The following PPARGC1A variants were observed in gnomAD, a reference collection of about 807,000 sequenced individuals.
PPARGC1A encodes the protein PPARG coactivator 1 alpha.
PPARGC1A carries 25 observed loss-of-function variants against 88.7 expected under a neutral mutation model. That is an observed-to-expected ratio of 0.28 (90% CI 0.21 to 0.39). The LOEUF is 0.39. Ranked by LOEUF, PPARGC1A falls within the 10% of genes least tolerant of loss-of-function variation. The pLI is 1.00. For synonymous variants in PPARGC1A, 363 were observed against 355.6 expected (o/e 1.02, Z -0.24); for missense variants, 880 against 968.7 (o/e 0.91, Z 1.22).
At chr4:24,301,681 C>T in the PPARGC1A span, among the ~76,000 whole-genome samples, 106,497 of 150,522 alleles carry the variant, frequency 0.71, 38,610 homozygotes, top group African/African-American at 0.88. Context: ...TGTACTGTTA[C>T]TTTTTAAGTT....
chr4:24,387,938 A>AAGAAAGAT, the PPARGC1A span, among the ~76,000 whole-genome samples: 36 of 115,026 alleles, frequency 3.1e-4, 1 homozygote, highest in African/African-American at 1.3e-3. Context: ...AAGAAAGAGA[A>AAGAAAGAT]AGAAAGAAAG....
the PPARGC1A span, among the ~76,000 whole-genome samples, chr4:24,358,960 C>T: frequency 6.6e-6 from 1 of 152,226 alleles, no homozygotes; most frequent in Non-Finnish European, 1.5e-5. Context: ...GAGGACAGCA[C>T]AGACCAGCAG....
At chr4:24,387,908 A>G in the PPARGC1A span, among the ~76,000 whole-genome samples, 1 of 9,992 alleles carries the variant, frequency 1.0e-4, no homozygotes, top group African/African-American at 1.1e-4. Flanking sequence ...AAGAAAGAGA[A>G]AGAAAGAAAG....
chr4:24,294,849 A>G, the PPARGC1A span, among the ~76,000 whole-genome samples: 2 of 152,240 alleles, frequency 1.3e-5, no homozygotes, highest in African/African-American at 4.8e-5. Flanking sequence ...TAACTCTGGG[A>G]TGTCACCTAG....
At chr4:24,316,259 C>T in the PPARGC1A span, among the ~76,000 whole-genome samples, 1 of 152,292 alleles carries the variant, frequency 6.6e-6, no homozygotes, top group East Asian at 1.9e-4. Flanking sequence ...TGGGCAGAGA[C>T]AGCTAGACCA....
chr4:24,458,738 G>C, the PPARGC1A span, among the ~76,000 whole-genome samples: 1 of 152,204 alleles, frequency 6.6e-6, no homozygotes, highest in South Asian at 2.1e-4. Flanking sequence ...AATACCCAAT[G>C]ATACAGGATG....
the PPARGC1A span, among the ~76,000 whole-genome samples, chr4:24,033,914 C>G: frequency 6.6e-6 from 1 of 152,104 alleles, no homozygotes; most frequent in South Asian, 2.1e-4. Flanking sequence ...AAGACAATTT[C>G]CCCTCAAAAA....
At chr4:23,977,630 C>G in the PPARGC1A span, among the ~76,000 whole-genome samples, 2 of 152,092 alleles carry the variant, frequency 1.3e-5, no homozygotes, top group African/African-American at 4.8e-5. Flanking sequence ...CCACGGCACA[C>G]GTTTACCTAT....
the PPARGC1A span, among the ~76,000 whole-genome samples, chr4:24,012,866 G>C: frequency 2.2e-4 from 33 of 152,150 alleles, no homozygotes; most frequent in Non-Finnish European, 4.0e-4. Context: ...GCTAATGAAG[G>C]AGAAACAAGG....
At chr4:23,878,650 G>T (rs534793650) in intron 2 of PPARGC1A, among the ~76,000 whole-genome samples, 1 of 152,036 alleles carries the variant, frequency 6.6e-6, no homozygotes, top group Non-Finnish European at 1.5e-5. Context: ...GCTTAAATGA[G>T]GTGTGTAGAT....
the PPARGC1A span, among the ~76,000 whole-genome samples, chr4:24,260,820 A>C: frequency 1.3e-5 from 2 of 151,890 alleles, no homozygotes; most frequent in East Asian, 3.9e-4. Flanking sequence ...TTATTTTTAA[A>C]TTGCCTACCT....
At chr4:24,089,691 T>C in the PPARGC1A span, among the ~76,000 whole-genome samples, 1 of 151,992 alleles carries the variant, frequency 6.6e-6, no homozygotes, top group African/African-American at 2.4e-5. Flanking sequence ...TTTTTGTATT[T>C]TTGGTAGAGA....
At chr4:23,943,744 G>A in the PPARGC1A span, among the ~76,000 whole-genome samples, 1 of 152,154 alleles carries the variant, frequency 6.6e-6, no homozygotes, top group Non-Finnish European at 1.5e-5. Context: ...ATGACCTCCG[G>A]TGATCAAAGT....
the PPARGC1A span, among the ~76,000 whole-genome samples, chr4:23,967,157 C>G: frequency 6.6e-6 from 1 of 152,164 alleles, no homozygotes; most frequent in African/African-American, 2.4e-5. Context: ...TATGCAATAT[C>G]ATTACCCACA....
the PPARGC1A span, among the ~76,000 whole-genome samples, chr4:24,135,296 C>T: frequency 6.6e-6 from 1 of 152,098 alleles, no homozygotes; most frequent in Non-Finnish European, 1.5e-5. Flanking sequence ...AAATAAAATG[C>T]TCTCCAAGAT....
chr4:24,054,157 A>G, the PPARGC1A span, among the ~76,000 whole-genome samples: 1 of 152,212 alleles, frequency 6.6e-6, no homozygotes, highest in African/African-American at 2.4e-5. Context: ...TGTTTGGGGC[A>G]CTGGAATTTT....
chr4:24,196,744 T>TAAACAAAAGG, the PPARGC1A span, among the ~76,000 whole-genome samples: 3 of 152,336 alleles, frequency 2.0e-5, no homozygotes, highest in South Asian at 6.2e-4. Context: ...TCTCAAATGC[T>TAAACAAAAGG]AAACAAAAAG....
At chr4:24,051,952 CT>C in the PPARGC1A span, among the ~76,000 whole-genome samples, 1 of 136,740 alleles carries the variant, frequency 7.3e-6, no homozygotes, top group Non-Finnish European at 1.6e-5. Context: ...AAAAAAAAAA[CT>C]AAAAAGTAAG....
chr4:24,319,921 A>G, the PPARGC1A span, among the ~76,000 whole-genome samples: 1 of 152,160 alleles, frequency 6.6e-6, no homozygotes, highest in Non-Finnish European at 1.5e-5. Flanking sequence ...TTTGTTGCTC[A>G]AAAAGCTGGC....
Sources: allele counts gnomAD v4.1 joint callset (sites outside exome capture counted in the v4.1 genomes callset), GRCh38; gene constraint gnomAD v4.1.1; transcripts MANE v1.5; gene names NCBI Gene and HGNC (gene_info 2026-07-23, HGNC 2026-07-21).